Variants in DLG2 observed in about 807,000 individuals in gnomAD.
DLG2 encodes the protein disks large homolog 2.
Under a neutral mutation model 132.5 loss-of-function variants are expected in DLG2, and 45 were observed. The observed-to-expected ratio is 0.34, with a 90% confidence interval of 0.27 to 0.44. The LOEUF (loss-of-function observed/expected upper bound fraction) is 0.44, where lower values mean the gene tolerates loss of function less well. Among genes scored for constraint, DLG2 ranks in the 20% least tolerant of loss-of-function variants. DLG2 has a pLI of 1.00. For synonymous variants in DLG2, 424 were observed against 419.6 expected (o/e 1.01, Z -0.13); for missense variants, 1,045 against 1,196.9 (o/e 0.87, Z 1.87).
intron 3 of DLG2, among the ~76,000 whole-genome samples, chr11:85,526,724 T>C (rs976594860): frequency 2.0e-5 from 3 of 152,120 alleles, no homozygotes; most frequent in Admixed American, 2.0e-4. Flanking sequence ...CTGGAAGAGA[T>C]TAGCATTTGA....
chr11:83,641,867 GT>G (rs2066624733), intron 18 of DLG2, among the ~76,000 whole-genome samples: 1 of 83,000 alleles, frequency 1.2e-5, no homozygotes, highest in Non-Finnish European at 2.4e-5. Flanking sequence ...GAGGGAGTGT[GT>G]GTGTGTGTGT....
chr11:83,466,344 A>C (rs2091034981), intron 26 of DLG2, among the ~76,000 whole-genome samples: 1 of 152,214 alleles, frequency 6.6e-6, no homozygotes, highest in Non-Finnish European at 1.5e-5. Flanking sequence ...TTTGGAAAAC[A>C]AAAGCAAACC....
intron 11 of DLG2, among the ~76,000 whole-genome samples, chr11:84,023,599 T>C (rs913595627): frequency 2.0e-5 from 3 of 152,182 alleles, no homozygotes; most frequent in African/African-American, 7.2e-5. Flanking sequence ...TATAGGCCCA[T>C]TTATATGCAG....
intron 19 of DLG2, among the ~76,000 whole-genome samples, chr11:83,605,109 CT>C (rs1262735562): frequency 6.6e-6 from 1 of 151,794 alleles, no homozygotes; most frequent in Non-Finnish European, 1.5e-5. Context: ...GAAGTTTCCT[CT>C]GATTTAACCC....
At chr11:84,079,428 C>T (rs145671859) in intron 10 of DLG2, among the ~76,000 whole-genome samples, 1,557 of 152,132 alleles carry the variant, frequency 0.01, 14 homozygotes, top group African/African-American at 0.036. Context: ...GGATTATAGG[C>T]ACCTGCTGCC....
chr11:83,878,378 G>A (rs772556169), intron 15 of DLG2, among the ~76,000 whole-genome samples: 3 of 152,100 alleles, frequency 2.0e-5, no homozygotes. Flanking sequence ...ATAGCATCAA[G>A]AACTAGGTTT....
intron 3 of DLG2, among the ~76,000 whole-genome samples, chr11:85,448,563 A>T (rs764701881): frequency 6.6e-6 from 1 of 152,124 alleles, no homozygotes; most frequent in Non-Finnish European, 1.5e-5. Flanking sequence ...CTGCTTTCTT[A>T]CTGAAAAACT....
intron 18 of DLG2, among the ~76,000 whole-genome samples, chr11:83,635,787 T>C (rs149250316): frequency 1.4e-3 from 213 of 152,316 alleles, no homozygotes; most frequent in Non-Finnish European, 5.0e-4. Context: ...AACTCCCTTA[T>C]CATTAGATAT....
chr11:83,850,682 CAG>C (rs1375304940), intron 16 of DLG2, among the ~76,000 whole-genome samples: 1 of 152,162 alleles, frequency 6.6e-6, no homozygotes, highest in African/African-American at 2.4e-5. Flanking sequence ...ACAGGGCAAA[CAG>C]AGATTCAATT....
intron 6 of DLG2, among the ~76,000 whole-genome samples, chr11:84,682,115 T>C (rs2099732176): frequency 6.6e-6 from 1 of 152,106 alleles, no homozygotes; most frequent in Non-Finnish European, 1.5e-5. Context: ...GGAAGACATA[T>C]GTTTATTCAG....
intron 3 of DLG2, among the ~76,000 whole-genome samples, chr11:85,450,833 C>G (rs1433986402): frequency 6.6e-6 from 1 of 152,082 alleles, no homozygotes; most frequent in East Asian, 1.9e-4. Flanking sequence ...TTCCATAACT[C>G]TATATTCTTT....
intron 7 of DLG2, among the ~76,000 whole-genome samples, chr11:84,300,257 C>A (rs1229629573): frequency 1.3e-5 from 2 of 152,126 alleles, no homozygotes. Context: ...CTTCTGCAAA[C>A]TGTCTACAGA....
At chr11:84,206,551 G>A (rs192160024) in intron 8 of DLG2, among the ~76,000 whole-genome samples, 4 of 152,068 alleles carry the variant, frequency 2.6e-5, no homozygotes, top group African/African-American at 9.6e-5. Flanking sequence ...TCAGGACCAA[G>A]GGGAATTTTT....
chr11:84,331,441 CAAAAAAAAAAAAAAA>C (rs71465960), intron 7 of DLG2, among the ~76,000 whole-genome samples: 2 of 119,716 alleles, frequency 1.7e-5, no homozygotes, highest in Non-Finnish European at 3.8e-5. Context: ...TTACTTATCT[CAAAAAAAAAAAAAAA>C]AAAAATAAAT....
chr11:84,690,584 C>A (rs946858346), intron 6 of DLG2, among the ~76,000 whole-genome samples: 9 of 151,692 alleles, frequency 5.9e-5, no homozygotes, highest in Admixed American at 2.6e-4. Flanking sequence ...AGAATTTTCC[C>A]CAAGATATAT....
At chr11:84,910,988 A>G (rs2092002950) in intron 6 of DLG2, among the ~76,000 whole-genome samples, 1 of 152,246 alleles carries the variant, frequency 6.6e-6, no homozygotes, top group African/African-American at 2.4e-5. Context: ...TGGAAGGACA[A>G]GACAATTATT....
intron 6 of DLG2, among the ~76,000 whole-genome samples, chr11:85,088,148 C>A (rs2068236142): frequency 6.6e-6 from 1 of 151,648 alleles, no homozygotes; most frequent in Non-Finnish European, 1.5e-5. Context: ...TTGAGATATG[C>A]CAAAAATGAT....
chr11:84,815,377 G>T (rs915343338), intron 6 of DLG2, among the ~76,000 whole-genome samples: 2 of 151,914 alleles, frequency 1.3e-5, no homozygotes, highest in Non-Finnish European at 2.9e-5. Context: ...CATCTCCAAG[G>T]GGCAGAAGGT....
At chr11:84,184,371 C>T (rs1182152206) in intron 8 of DLG2, among the ~76,000 whole-genome samples, 3 of 151,952 alleles carry the variant, frequency 2.0e-5, no homozygotes, top group African/African-American at 4.8e-5. Context: ...GCATAAATGT[C>T]TTCTTTTGAG....
Sources: gnomAD v4.1 joint callset for allele counts (sites outside exome capture counted in the v4.1 genomes callset) on GRCh38, gnomAD v4.1.1 for gene constraint, MANE v1.5 for transcripts, NCBI Gene and HGNC (gene_info 2026-07-23, HGNC 2026-07-21) for gene names.